Variants in PCDHA8 observed in about 807,000 individuals in gnomAD.
PCDHA8 encodes the protein protocadherin alpha-8.
A neutral mutation model predicts 61.8 loss-of-function variants in PCDHA8; 53 were observed. That is an observed-to-expected ratio of 0.86 (90% confidence interval 0.69 to 1.08). The LOEUF (loss-of-function observed/expected upper bound fraction) is 1.08, where lower values mean the gene tolerates loss of function less well. PCDHA8 is among the 50% of genes least tolerant of loss of function. The pLI is 0.00. For missense variants in PCDHA8, 1,293 were observed against 1,245.0 expected (o/e 1.04, Z -0.58); for synonymous variants, 618 against 556.6 (o/e 1.11, Z -1.55).
At chr5:140,903,229 T>C (rs2153479721) in intron 1 of PCDHA8, among the ~76,000 whole-genome samples, 1 of 152,340 alleles carries the variant, frequency 6.6e-6, no homozygotes, top group South Asian at 2.1e-4. Flanking sequence ...CATCTATTAC[T>C]TTTTGATTTT....
chr5:140,967,023 G>A, intron 1 of PCDHA8: 1 of 1,608,160 alleles, frequency 6.2e-7, no homozygotes, highest in South Asian at 1.1e-5. Context: ...GGTGCGCCCA[G>A]TCCGCGCTAC....
Position 140,927,871 on chromosome 5 carries a change from C to T in PCDHA8, c.2395-51078C>T, listed in dbSNP as rs376396178. The T allele has an allele frequency of 5.6e-6, 9 of 1,614,048 alleles. No individual in the cohort carries two copies. In the African/African-American group the frequency reaches 1.2e-4, roughly 22 times the overall value. ...TGGTTTAGCTAGCACCGCTAAACTG[C>T]TGGTGGAGGTGACTGACGTGAACGA... On this transcript the variant is annotated intron_variant, in intron 1 of 3. Coordinates refer to ENST00000531613, the MANE Select transcript of PCDHA8 (RefSeq NM_018911.3).
In PCDHA8 at chr5:140,904,790, G is replaced by T. The variant is rs139747501; in HGVS notation, c.2394+61075G>T. 2.6e-3 allele frequency among the ~76,000 whole-genome samples: 392 copies of T among 152,018 alleles called. 4 individuals carry two copies. In the East Asian group the frequency reaches 0.045, roughly 17 times the overall value. The stretch of plus-strand genomic sequence containing the variant: ...TGGTATCACATTATTGTTTTAATTT[G>T]CATTTTCCTGATAATTAGTGATGTT... On this transcript the variant is annotated intron_variant, in intron 1 of 3. Coordinates refer to ENST00000531613, the MANE Select transcript of PCDHA8 (RefSeq NM_018911.3).
At chr5:140,882,141 A>G in intron 1 of PCDHA8, 3 of 1,491,636 alleles carry the variant, frequency 2.0e-6, no homozygotes, top group South Asian at 1.4e-5. Flanking sequence ...CAGAAAATAT[A>G]GCAGAAAGCG....
At chr5:140,905,292 G>T (rs1394409672) in intron 1 of PCDHA8, among the ~76,000 whole-genome samples, 1 of 152,114 alleles carries the variant, frequency 6.6e-6, no homozygotes, top group African/African-American at 2.4e-5. Flanking sequence ...CTTGAATAAG[G>T]TGTCCTTTCC....
chr5:141,011,509 G>C lies in PCDHA8; in HGVS notation c.*1572G>C, dbSNP rs2098420853. ...TTTTGTACACCTGTGAAAAAGTGGA[G>C]TAGTGTTTTTTTAACCATTGTTAAT... is the stretch of plus-strand genomic sequence containing the variant. On this transcript the variant is annotated 3_prime_UTR_variant, in exon 4 of 4. Coordinates refer to ENST00000531613, the MANE Select transcript of PCDHA8 (RefSeq NM_018911.3). The C allele has an allele frequency of 6.5e-6, 1 of 153,760 alleles. No individual in the cohort carries two copies. The highest frequency in any genetic ancestry group is 1.5e-5 in the Non-Finnish European group (1 of 68,040). The allele number at this position is 153,760 out of a possible 1,614,324, so 9.5% of individuals were successfully genotyped here.
intron 1 of PCDHA8, chr5:140,966,278 T>TGG (rs1173319352): frequency 3.6e-5 from 13 of 363,192 alleles, no homozygotes; most frequent in Admixed American, 2.8e-4. Context: ...AACTGGACAG[T>TGG]GGGGGTAGGG....
intron 1 of PCDHA8, chr5:140,929,973 G>A (rs955255771): frequency 6.6e-6 from 1 of 152,136 alleles, no homozygotes; most frequent in Non-Finnish European, 1.5e-5. Context: ...TTTGGTGAAG[G>A]TGTCTTCTTT....
chr5:140,990,199 G>A (rs1308811962), intron 3 of PCDHA8, among the ~76,000 whole-genome samples: 1 of 152,132 alleles, frequency 6.6e-6, no homozygotes, highest in East Asian at 1.9e-4. Context: ...ATGTGGACCC[G>A]AAAGAGAACA....
At chr5:140,854,866 A>G (rs1479587477) in intron 1 of PCDHA8, among the ~76,000 whole-genome samples, 3 of 149,974 alleles carry the variant, frequency 2.0e-5, no homozygotes, top group Non-Finnish European at 4.5e-5. Context: ...GATATATTTC[A>G]GAACTGTGTC....
chr5:140,927,362 G>A, intron 1 of PCDHA8: 1 of 1,614,030 alleles, frequency 6.2e-7, no homozygotes, highest in Non-Finnish European at 8.5e-7. Context: ...GGAAGCAATG[G>A]GATACTAAGC....
chr5:140,926,799 T>A, intron 1 of PCDHA8: 2 of 1,456,322 alleles, frequency 1.4e-6, no homozygotes, highest in Non-Finnish European at 1.8e-6. Flanking sequence ...GAGCGTGCTC[T>A]TCCCCGCGGC....
At chr5:140,866,293 T>TAG (rs2049266972) in intron 1 of PCDHA8, 1 of 152,272 alleles carries the variant, frequency 6.6e-6, no homozygotes, top group East Asian at 1.9e-4. Context: ...GGGACAAGTA[T>TAG]AGATGTTGAT....
chr5:140,916,268 T>C (rs1190209711), intron 1 of PCDHA8, among the ~76,000 whole-genome samples: 3 of 152,206 alleles, frequency 2.0e-5, no homozygotes, highest in Non-Finnish European at 4.4e-5. Flanking sequence ...AAGAGCATGC[T>C]TGTTGCTCTA....
At position 140,842,773 on chromosome 5, in the gene PCDHA8, G is replaced by C; in HGVS notation, c.1452G>C (p.Ala484=). ...IFTVSARDAD[A]QENALVSYSL... ...CGGTGTCTGCGCGAGACGCGGACGC[G>C]CAGGAGAACGCGCTGGTGTCCTACT... The change falls in exon 1 of 4, where the codon GCG becomes GCC. Residue 484 remains alanine, a synonymous_variant. Coordinates refer to ENST00000531613, the MANE Select transcript of PCDHA8 (RefSeq NM_018911.3). 6.3e-7 allele frequency: 1 copy of C among 1,594,638 alleles called. No homozygotes were observed.
At chr5:140,987,681 G>A (rs1554249426) in intron 3 of PCDHA8, among the ~76,000 whole-genome samples, 2 of 152,184 alleles carry the variant, frequency 1.3e-5, no homozygotes, top group Non-Finnish European at 2.9e-5. Context: ...TTAGTAAATA[G>A]TAGCTATTTT....
chr5:140,934,611 C>T (rs1346764744), intron 1 of PCDHA8, among the ~76,000 whole-genome samples: 2 of 151,950 alleles, frequency 1.3e-5, no homozygotes, highest in Non-Finnish European at 2.9e-5. Context: ...TTTGATTAGC[C>T]TGAGGTACAG....
At chr5:140,945,722 A>G (rs2093833983) in intron 1 of PCDHA8, among the ~76,000 whole-genome samples, 1 of 152,110 alleles carries the variant, frequency 6.6e-6, no homozygotes, top group African/African-American at 2.4e-5. Context: ...TCAAGAATAT[A>G]CAATGGAAAA....
chr5:140,862,612 A>G, intron 1 of PCDHA8: 1 of 522,286 alleles, frequency 1.9e-6, no homozygotes, highest in Admixed American at 2.0e-5. Context: ...CGTGAAAGGT[A>G]ACAACCCGCG....
Sources: gnomAD v4.1 joint callset for allele counts (sites outside exome capture counted in the v4.1 genomes callset) on GRCh38, gnomAD v4.1.1 for gene constraint, MANE v1.5 for transcripts, NCBI Gene and HGNC (gene_info 2026-07-23, HGNC 2026-07-21) for gene names.